The following FRMD6 variants were observed in gnomAD, a reference collection of about 807,000 sequenced individuals.
The protein encoded by FRMD6 is FERM domain containing 6.
A neutral mutation model predicts 73.2 loss-of-function variants in FRMD6; 37 were observed. The ratio of observed to expected loss-of-function variants is 0.51; its 90% confidence interval spans 0.39 to 0.66. The LOEUF is 0.66. Ranked by LOEUF, FRMD6 falls within the 30% of genes least tolerant of loss-of-function variation. The pLI is 0.00. For missense variants in FRMD6, 714 were observed against 780.5 expected (o/e 0.91, Z 1.02); for synonymous variants, 273 against 282.2 (o/e 0.97, Z 0.33).
intron 2 of FRMD6, among the ~76,000 whole-genome samples, chr14:51,623,259 A>G (rs1890996932): frequency 6.6e-6 from 1 of 152,242 alleles, no homozygotes; most frequent in Non-Finnish European, 1.5e-5. Flanking sequence ...TCTTGATCAT[A>G]TGTTAAGAAA....
the FRMD6 span, among the ~76,000 whole-genome samples, chr14:51,473,824 CT>C: frequency 0.16 from 23,009 of 144,190 alleles, 1,795 homozygotes; most frequent in Non-Finnish European, 0.19. Context: ...GCTTTCTTTA[CT>C]TTTTTTTTTT....
chr14:51,546,881 G>A (rs1368613971), intron 1 of FRMD6: 7 of 151,868 alleles, frequency 4.6e-5, no homozygotes, highest in African/African-American at 9.7e-5. Context: ...TGAGAAACCC[G>A]GGTAAAAGAG....
chr14:51,503,921 T>C (rs563614343), intron 1 of FRMD6, among the ~76,000 whole-genome samples: 1 of 152,094 alleles, frequency 6.6e-6, no homozygotes, highest in South Asian at 2.1e-4. Flanking sequence ...TCATTATTGG[T>C]CTATTCAGGG....
At chr14:51,608,317 C>A (rs1890348016) in intron 2 of FRMD6, among the ~76,000 whole-genome samples, 1 of 152,186 alleles carries the variant, frequency 6.6e-6, no homozygotes, top group Non-Finnish European at 1.5e-5. Context: ...AATCCTGGTT[C>A]TGTGACCACC....
At chr14:51,566,103 T>G (rs1286413704) in intron 1 of FRMD6, among the ~76,000 whole-genome samples, 1 of 152,142 alleles carries the variant, frequency 6.6e-6, no homozygotes, top group Non-Finnish European at 1.5e-5. Flanking sequence ...AGGTGGAGCT[T>G]GCAGTGAGCC....
chr14:51,550,960 C>T (rs972333373), intron 1 of FRMD6, among the ~76,000 whole-genome samples: 3 of 152,194 alleles, frequency 2.0e-5, no homozygotes. Context: ...CTGTTTGGCA[C>T]TCCCTGTTTC....
intron 2 of FRMD6, among the ~76,000 whole-genome samples, chr14:51,696,224 A>G (rs2140410045): frequency 6.6e-6 from 1 of 151,600 alleles, no homozygotes; most frequent in African/African-American, 2.4e-5. Context: ...TCTGAGTTTT[A>G]TTTTCAGAAA....
the FRMD6 span, among the ~76,000 whole-genome samples, chr14:51,439,689 C>G: frequency 2.0e-5 from 3 of 152,216 alleles, no homozygotes; most frequent in East Asian, 5.8e-4. Flanking sequence ...GCCACTCTGA[C>G]TTGCCCTCCA....
intron 1 of FRMD6, among the ~76,000 whole-genome samples, chr14:51,655,550 T>C (rs971166100): frequency 2.6e-5 from 4 of 152,122 alleles, no homozygotes; most frequent in African/African-American, 9.7e-5. Flanking sequence ...GAAGAGGCTT[T>C]GGGGGCCTTT....
At chr14:51,429,628 G>A in the FRMD6 span, among the ~76,000 whole-genome samples, 1 of 152,168 alleles carries the variant, frequency 6.6e-6, no homozygotes, top group Admixed American at 6.5e-5. Context: ...TCAATTAAGT[G>A]TCGTGGGCTT....
At chr14:51,553,685 A>G (rs1886960662) in intron 1 of FRMD6, among the ~76,000 whole-genome samples, 1 of 152,180 alleles carries the variant, frequency 6.6e-6, no homozygotes, top group Admixed American at 6.5e-5. Context: ...ATACCTACTG[A>G]TCAGTTCTAA....
At chr14:51,557,737 A>C (rs1465062022) in intron 1 of FRMD6, among the ~76,000 whole-genome samples, 1 of 152,198 alleles carries the variant, frequency 6.6e-6, no homozygotes. Flanking sequence ...GCCATTCCCC[A>C]GTGTATTCGT....
intron 2 of FRMD6, among the ~76,000 whole-genome samples, chr14:51,596,387 T>A (rs1889716799): frequency 6.6e-6 from 1 of 151,756 alleles, no homozygotes; most frequent in Non-Finnish European, 1.5e-5. Flanking sequence ...AAGCCTGAGG[T>A]TGGGAGGTGA....
chr14:51,400,186 A>G, the FRMD6 span, among the ~76,000 whole-genome samples: 1 of 152,174 alleles, frequency 6.6e-6, no homozygotes, highest in Non-Finnish European at 1.5e-5. Context: ...TTTAGTCACC[A>G]TGCCATGCAA....
chr14:51,413,947 T>C, the FRMD6 span, among the ~76,000 whole-genome samples: 1 of 152,260 alleles, frequency 6.6e-6, no homozygotes, highest in African/African-American at 2.4e-5. Context: ...TTTGGCTGCA[T>C]AAATGTCTTC....
the FRMD6 span, among the ~76,000 whole-genome samples, chr14:51,473,361 C>T: frequency 3.3e-5 from 5 of 152,306 alleles, no homozygotes; most frequent in South Asian, 4.1e-4. Context: ...TAAGTAACCG[C>T]GCATGGCCAC....
chr14:51,627,788 A>G (rs953571049), intron 2 of FRMD6, among the ~76,000 whole-genome samples: 6 of 152,322 alleles, frequency 3.9e-5, no homozygotes, highest in Non-Finnish European at 8.8e-5. Context: ...AAGTTGGAGC[A>G]CTGGGGATGT....
At chr14:51,622,983 T>C (rs933928574) in intron 2 of FRMD6, among the ~76,000 whole-genome samples, 1 of 152,190 alleles carries the variant, frequency 6.6e-6, no homozygotes, top group Non-Finnish European at 1.5e-5. Context: ...TTTCCCAGAC[T>C]GGTCTCGAAC....
intron 5 of FRMD6, among the ~76,000 whole-genome samples, chr14:51,703,243 G>A (rs983595707): frequency 5.3e-5 from 8 of 151,906 alleles, no homozygotes; most frequent in African/African-American, 1.7e-4. Flanking sequence ...TCAGAAGCTC[G>A]GTCTGTATAG....
Sources: allele counts gnomAD v4.1 joint callset (sites outside exome capture counted in the v4.1 genomes callset), GRCh38; gene constraint gnomAD v4.1.1; transcripts MANE v1.5; gene names NCBI Gene and HGNC (gene_info 2026-07-23, HGNC 2026-07-21).